Variants in ASCC1 observed in about 807,000 individuals in gnomAD.
ASCC1 encodes activating signal cointegrator 1 complex subunit 1, also known as ASC-1 complex subunit P50.
In ASCC1, 35 loss-of-function variants were observed where a neutral mutation model predicts 46.6. That is an observed-to-expected ratio of 0.75 (90% CI 0.57 to 0.99). The LOEUF (loss-of-function observed/expected upper bound fraction) is 0.99, where lower values mean the gene tolerates loss of function less well. ASCC1 is among the 50% of genes least tolerant of loss of function. The pLI is 0.00. For missense variants in ASCC1, 376 were observed against 428.7 expected, an observed-to-expected ratio of 0.88 and a Z score of 1.09; for synonymous variants, 143 against 146.6, an observed-to-expected ratio of 0.98 and a Z score of 0.18.
chr10:72,119,739 A>C (rs893522140), intron 9 of ASCC1, among the ~76,000 whole-genome samples: 1 of 152,134 alleles, frequency 6.6e-6, no homozygotes, highest in Middle Eastern at 3.2e-3. Context: ...AAACCAACAC[A>C]ACACAATTTG....
intron 6 of ASCC1, among the ~76,000 whole-genome samples, chr10:72,153,197 C>T (rs764661347): frequency 2.6e-4 from 39 of 152,128 alleles, no homozygotes; most frequent in Non-Finnish European, 3.5e-4. Context: ...TGGAAAACAC[C>T]GGAAAGTATT....
intron 7 of ASCC1, among the ~76,000 whole-genome samples, chr10:72,144,300 T>C (rs1030094242): frequency 6.6e-5 from 10 of 152,358 alleles, no homozygotes; most frequent in Non-Finnish European, 1.3e-4. Context: ...GTTTATCATG[T>C]CTGATATTAA....
intron 9 of ASCC1, among the ~76,000 whole-genome samples, chr10:72,105,373 T>C (rs11000174): frequency 0.32 from 48,614 of 152,150 alleles, 8,743 homozygotes; most frequent in Middle Eastern, 0.43. Context: ...GCACCCAAAA[T>C]GGCCAGCCAG....
At chr10:72,157,254 G>T (rs1450297089) in intron 6 of ASCC1, among the ~76,000 whole-genome samples, 1 of 152,134 alleles carries the variant, frequency 6.6e-6, no homozygotes. Flanking sequence ...AATACACAAT[G>T]TATCTTCATT....
At chr10:72,110,389 T>C (rs1263211434) in intron 9 of ASCC1, among the ~76,000 whole-genome samples, 1 of 152,214 alleles carries the variant, frequency 6.6e-6, no homozygotes, top group Non-Finnish European at 1.5e-5. Flanking sequence ...TGGCTGACTA[T>C]TGTGCCAAGG....
chr10:72,196,697 C>T, intron 5 of ASCC1, 114 bp downstream of exon 5: 3 of 1,090,242 alleles, frequency 2.8e-6, no homozygotes, highest in South Asian at 1.5e-5. Context: ...AAATAGTTAT[C>T]TTTTTTGGTG....
chr10:72,166,547 C>T (rs1252981252), intron 5 of ASCC1, among the ~76,000 whole-genome samples: 1 of 141,488 alleles, frequency 7.1e-6, no homozygotes, highest in East Asian at 2.0e-4. Context: ...TTAGATATGA[C>T]ACCAAAAGCA....
intron 5 of ASCC1, among the ~76,000 whole-genome samples, chr10:72,178,247 T>C (rs1358897713): frequency 1.3e-5 from 2 of 152,312 alleles, no homozygotes; most frequent in Non-Finnish European, 2.9e-5. Flanking sequence ...TGTGATAGAA[T>C]TCTCAGACTG....
At chr10:72,174,892 C>T (rs1851678270) in intron 5 of ASCC1, among the ~76,000 whole-genome samples, 1 of 152,206 alleles carries the variant, frequency 6.6e-6, no homozygotes, top group African/African-American at 2.4e-5. Flanking sequence ...CATGTTCCCA[C>T]AAAACCTAAA....
intron 6 of ASCC1, among the ~76,000 whole-genome samples, chr10:72,159,692 T>C (rs1377981645): frequency 6.6e-6 from 1 of 152,140 alleles, no homozygotes; most frequent in Non-Finnish European, 1.5e-5. Context: ...CCAAATTATT[T>C]TGAATTTCAG....
intron 5 of ASCC1, among the ~76,000 whole-genome samples, chr10:72,185,953 G>A (rs977117424): frequency 6.6e-6 from 1 of 151,940 alleles, no homozygotes; most frequent in African/African-American, 2.4e-5. Context: ...ACAGAAAGAT[G>A]CATGTACAGA....
At chr10:72,115,790 T>C (rs1479104610) in intron 9 of ASCC1, among the ~76,000 whole-genome samples, 2 of 152,178 alleles carry the variant, frequency 1.3e-5, no homozygotes, top group Non-Finnish European at 2.9e-5. Context: ...GCAGGAAGAA[T>C]GGCTTTATAG....
chr10:72,134,400 C>A (rs1203353002), intron 7 of ASCC1: 1 of 152,312 alleles, frequency 6.6e-6, no homozygotes, highest in Non-Finnish European at 1.5e-5. Flanking sequence ...TGCCACTGCA[C>A]TCTAGCCTGG....
At chr10:72,150,240 C>T (rs1428945310) in intron 7 of ASCC1, among the ~76,000 whole-genome samples, 2 of 151,728 alleles carry the variant, frequency 1.3e-5, no homozygotes, top group African/African-American at 4.8e-5. Context: ...GCTCCTATGC[C>T]ATTCTATACC....
chr10:72,097,452 T>A lies in ASCC1; in HGVS notation c.958-2A>T. The stretch of plus-strand genomic sequence containing the variant: ...GCCAAAGTAGAAGTTCTCAAACAAC[T>A]GAAAAGGAAGAATAAAAACCCAGAA... On this transcript the variant is annotated splice_acceptor_variant, in intron 9 of 9. Coordinates refer to ENST00000672957, the MANE Select transcript of ASCC1 (RefSeq NM_001198800.3). LOFTEE classifies it high-confidence loss of function. 1 of 1,559,200 alleles carries A rather than the reference T, an allele frequency of 6.4e-7. No homozygotes were observed. Among genetic ancestry groups the A allele is most frequent in the Non-Finnish European group, 8.8e-7 (1 of 1,130,390 alleles).
chr10:72,189,121 C>CCAGG (rs1375870258), intron 5 of ASCC1, among the ~76,000 whole-genome samples: 4 of 152,004 alleles, frequency 2.6e-5, no homozygotes, highest in Non-Finnish European at 5.9e-5. Flanking sequence ...AGAAGTTAGG[C>CCAGG]CAGGCGCAGT....
chr10:72,144,985 T>G (rs1187500069), intron 7 of ASCC1, among the ~76,000 whole-genome samples: 1 of 152,236 alleles, frequency 6.6e-6, no homozygotes, highest in Admixed American at 6.5e-5. Flanking sequence ...AGTGGTAAAT[T>G]CTCTCCGTTT....
intron 3 of ASCC1, among the ~76,000 whole-genome samples, chr10:72,210,408 C>T (rs1189333497): frequency 6.6e-6 from 1 of 152,136 alleles, no homozygotes. Context: ...GATCCACCCG[C>T]CTCAGCCTCC....
intron 5 of ASCC1, among the ~76,000 whole-genome samples, chr10:72,178,329 T>C (rs1016121832): frequency 4.6e-5 from 7 of 152,122 alleles, no homozygotes. Flanking sequence ...AATGTATGAA[T>C]CCTACAAATT....
Sources: gnomAD v4.1 joint callset for allele counts (sites outside exome capture counted in the v4.1 genomes callset) on GRCh38, gnomAD v4.1.1 for gene constraint, MANE v1.5 for transcripts, NCBI Gene and HGNC (gene_info 2026-07-23, HGNC 2026-07-21) for gene names.